KIRREL3: variants seen among roughly 807,000 people sequenced by gnomAD.
The protein encoded by KIRREL3 is kin of IRRE-like protein 3.
In KIRREL3, 36 loss-of-function variants were observed where a neutral mutation model predicts 89.7. The ratio of observed to expected loss-of-function variants is 0.40; its 90% CI spans 0.31 to 0.53. The LOEUF is 0.53. Among genes scored for constraint, KIRREL3 ranks in the 20% least tolerant of loss-of-function variants. The probability of loss-of-function intolerance (pLI) is 0.49; values close to 1 mark genes in which losing one functional copy is unlikely to be tolerated. For missense variants in KIRREL3, 864 were observed against 1,056.6 expected, an observed-to-expected ratio of 0.82 and a Z score of 2.53; for synonymous variants, 445 against 441.4, an observed-to-expected ratio of 1.01 and a Z score of -0.10.
chr11:126,648,754 A>G (rs1042385724), intron 1 of KIRREL3, among the ~76,000 whole-genome samples: 2 of 104,662 alleles, frequency 1.9e-5, no homozygotes, highest in Non-Finnish European at 4.0e-5. Flanking sequence ...ACATGATCAA[A>G]TAGGAACTAT....
In KIRREL3 at chr11:126,740,087, A is replaced by G. The variant is rs1432382826; in HGVS notation, c.56-177175T>C. ...CTGATTTAAAATGCAGTTTAACCTG[A>G]GGTAATTTGGCCCATTAGTTCAAAT... On this transcript the variant is annotated intron_variant, in intron 1 of 16. Transcript: ENST00000525144. The surrounding 1 kb of genome is among the most constrained non-coding windows in gnomAD (Gnocchi z 6.0). Among the ~76,000 whole-genome samples, 3 of 152,178 alleles carry G rather than the reference A, an allele frequency of 2.0e-5. No homozygotes were observed. Among genetic ancestry groups the G allele is most frequent in the Admixed American group, 1.3e-4 (2 of 15,270 alleles).
chr11:126,613,096 G>A (rs1379842640), intron 1 of KIRREL3, among the ~76,000 whole-genome samples: 1 of 152,124 alleles, frequency 6.6e-6, no homozygotes, highest in East Asian at 1.9e-4. Context: ...TTTTTTAAAT[G>A]AAAGGCCAAT....
chr11:126,670,681 C>T (rs756894505), intron 1 of KIRREL3, among the ~76,000 whole-genome samples: 7 of 152,166 alleles, frequency 4.6e-5, no homozygotes, highest in Non-Finnish European at 7.4e-5. Flanking sequence ...CCTTGCCCCA[C>T]CCTTGGGGGC....
At chr11:126,556,790 G>A (rs901227050) in intron 2 of KIRREL3, among the ~76,000 whole-genome samples, 13 of 152,086 alleles carry the variant, frequency 8.5e-5, no homozygotes, top group South Asian at 2.1e-4. Flanking sequence ...GAGTGGAAAC[G>A]GCAGGTCTCT....
In KIRREL3 at chr11:126,612,307, T is replaced by C. The variant is rs1454003801; in HGVS notation, c.56-49395A>G. ...CATATAATAAATGCTCCCTCAGAAT[T>C]TGAGTATTATATGGACACCCCTGGC... is the stretch of plus-strand genomic sequence containing the variant. On this transcript the variant is annotated intron_variant, in intron 1 of 16. Transcript: ENST00000525144. This position sits in a 1 kb window ranked among gnomAD's most constrained non-coding sequence, Gnocchi z 4.5. Among the ~76,000 whole-genome samples the C allele has an allele frequency of 6.6e-6, 1 of 152,142 alleles. No individual in the cohort carries two copies. Among genetic ancestry groups the C allele is most frequent in the Non-Finnish European group, 1.5e-5 (1 of 68,032 alleles).
At chr11:126,707,482 CAT>C (rs1947578364) in intron 1 of KIRREL3, among the ~76,000 whole-genome samples, 1 of 152,116 alleles carries the variant, frequency 6.6e-6, no homozygotes, top group African/African-American at 2.4e-5. Context: ...ACTGCTTGGT[CAT>C]ATACTAACTG....
In KIRREL3 at chr11:126,652,832, CGTG is replaced by C. The variant is rs1944959155; in HGVS notation, c.56-89923_56-89921del. The C allele has an allele frequency of 6.6e-6, 1 of 152,158 alleles. No individual in the cohort carries two copies. Among genetic ancestry groups the C allele is most frequent in the African/African-American group, 2.4e-5 (1 of 41,434 alleles). The allele number at this position is 152,158 out of a possible 1,614,324, so 9.4% of individuals were successfully genotyped here. A position where few individuals can be genotyped will look rare whatever the true frequency, so the allele number is the denominator to read the frequency against. ...AACTTTCCTCCCTGAGATCTTCCTC[CGTG>C]AACCAACAACAAAAGGACCAGCCAC... On this transcript the variant is annotated intron_variant, in intron 1 of 16. Transcript: ENST00000525144. The surrounding 1 kb of genome is among the most constrained non-coding windows in gnomAD (Gnocchi z 4.9).
chr11:126,979,513 G>A (rs1367364335), intron 1 of KIRREL3, among the ~76,000 whole-genome samples: 1 of 152,212 alleles, frequency 6.6e-6, no homozygotes, highest in Non-Finnish European at 1.5e-5. Context: ...GTCTGGGGAA[G>A]GTGAGAGTCT....
At chr11:126,593,610 G>A (rs1942254847) in intron 1 of KIRREL3, among the ~76,000 whole-genome samples, 1 of 152,214 alleles carries the variant, frequency 6.6e-6, no homozygotes, top group Non-Finnish European at 1.5e-5. Flanking sequence ...TAGCCACGTT[G>A]CCCTGTATGC....
At chr11:126,589,588 A>C (rs1419422534) in intron 1 of KIRREL3, among the ~76,000 whole-genome samples, 1 of 152,222 alleles carries the variant, frequency 6.6e-6, no homozygotes, top group Non-Finnish European at 1.5e-5. Flanking sequence ...AGGCTGAGTC[A>C]CTGGTGCATA....
chr11:126,884,830 A>G (rs1945639220), intron 1 of KIRREL3, among the ~76,000 whole-genome samples: 1 of 152,162 alleles, frequency 6.6e-6, no homozygotes, highest in South Asian at 2.1e-4. Flanking sequence ...CTTTCAGTAC[A>G]GAGCTGCAGT....
chr11:126,733,541 CCAT>C (rs1948703897), intron 1 of KIRREL3, among the ~76,000 whole-genome samples: 3 of 151,926 alleles, frequency 2.0e-5, no homozygotes, highest in Non-Finnish European at 4.4e-5. Flanking sequence ...AGCCATTATG[CCAT>C]TATACTTCCA....
Position 126,778,042 on chromosome 11 carries a change from G to A in KIRREL3, c.56-215130C>T, listed in dbSNP as rs1162009880. ...GGTATATGAGAAATACATGCTCATTGTAGAAAAAAAAAAAAAAAGAAAAAC... is the reference window on the plus strand; with the variant it reads ...GGTATATGAGAAATACATGCTCATTATAGAAAAAAAAAAAAAAAGAAAAAC... On this transcript the variant is annotated intron_variant, in intron 1 of 16. Coordinates refer to ENST00000525144, the MANE Select transcript of KIRREL3 (RefSeq NM_032531.4). This position sits in a 1 kb window ranked among gnomAD's most constrained non-coding sequence, Gnocchi z 4.5. 5.9e-5 allele frequency among the ~76,000 whole-genome samples: 8 copies of A among 136,412 alleles called. No homozygotes were observed. The highest frequency in any genetic ancestry group is 1.6e-4 in the African/African-American group (6 of 37,506). The allele number at this position is 136,412 out of a possible 152,430, so 89.5% of individuals were successfully genotyped here.
intron 1 of KIRREL3, among the ~76,000 whole-genome samples, chr11:126,828,435 T>C (rs1943490701): frequency 6.6e-6 from 1 of 152,194 alleles, no homozygotes; most frequent in Admixed American, 6.5e-5. Flanking sequence ...TGGAAGTCAC[T>C]GAATAAGGGG....
In KIRREL3 at chr11:126,564,626, C is replaced by T. The variant is rs187216462; in HGVS notation, c.56-1714G>A. On this transcript the variant is annotated intron_variant, in intron 1 of 16. Coordinates refer to ENST00000525144, the MANE Select transcript of KIRREL3 (RefSeq NM_032531.4). This position sits in a 1 kb window ranked among gnomAD's most constrained non-coding sequence, Gnocchi z 7.4. The stretch of plus-strand genomic sequence containing the variant: ...CTTACATCTCAGGCACCCAAATTGA[C>T]GATGTTAAGTTCCCTCATTCAAGGC... Among the ~76,000 whole-genome samples, 185 of 152,304 alleles carry T rather than the reference C, an allele frequency of 1.2e-3. 1 individual carries two copies. The highest frequency in any genetic ancestry group is 1.6e-3 in the Non-Finnish European group (109 of 68,016).
At chr11:126,720,092 C>T (rs1374117377) in intron 1 of KIRREL3, among the ~76,000 whole-genome samples, 1 of 152,192 alleles carries the variant, frequency 6.6e-6, no homozygotes, top group African/African-American at 2.4e-5. Context: ...ACTATTTTTC[C>T]TGCCTCTTGA....
intron 1 of KIRREL3, among the ~76,000 whole-genome samples, chr11:126,726,432 A>C (rs1013928258): frequency 3.3e-5 from 5 of 152,122 alleles, no homozygotes; most frequent in African/African-American, 1.2e-4. Context: ...CGGTGGCATG[A>C]CCTTGGCTCA....
At chr11:126,832,412 T>C (rs1943638810) in intron 1 of KIRREL3, among the ~76,000 whole-genome samples, 1 of 152,178 alleles carries the variant, frequency 6.6e-6, no homozygotes, top group Non-Finnish European at 1.5e-5. Flanking sequence ...AAAATAAACC[T>C]GTTCCTAGAA....
At chr11:126,950,202 T>C (rs568142832) in intron 1 of KIRREL3, among the ~76,000 whole-genome samples, 1 of 152,132 alleles carries the variant, frequency 6.6e-6, no homozygotes, top group South Asian at 2.1e-4. Context: ...TGAAACTCTA[T>C]CTCTACTAAA....
Sources: gnomAD v4.1 joint callset for allele counts (sites outside exome capture counted in the v4.1 genomes callset) on GRCh38, gnomAD v4.1.1 for gene constraint, Gnocchi (gnomAD v3.1) non-coding constraint, MANE v1.5 for transcripts, NCBI Gene and HGNC (gene_info 2026-07-23, HGNC 2026-07-21) for gene names.